Variants in ABHD17C observed in about 807,000 individuals in gnomAD.
ABHD17C encodes the protein abhydrolase domain containing 17C, depalmitoylase.
ABHD17C carries 11 observed loss-of-function variants against 27.9 expected under a neutral mutation model. That is an observed-to-expected ratio of 0.39 (90% confidence interval 0.25 to 0.65). The LOEUF is 0.65. Among genes scored for constraint, ABHD17C ranks in the 30% least tolerant of loss-of-function variants. ABHD17C has a pLI of 0.45. For synonymous variants in ABHD17C, 233 were observed against 209.1 expected (o/e 1.11, Z -0.98); for missense variants, 280 against 470.2 (o/e 0.60, Z 3.74).
intron 1 of ABHD17C, among the ~76,000 whole-genome samples, chr15:80,726,367 G>T (rs1392462200): frequency 6.6e-6 from 1 of 152,170 alleles, no homozygotes; most frequent in Admixed American, 6.5e-5. Flanking sequence ...ATTTTGGGGG[G>T]CCTGCTCCCA....
chr15:80,745,485 C>A (rs941484525), intron 1 of ABHD17C, among the ~76,000 whole-genome samples: 11 of 151,996 alleles, frequency 7.2e-5, no homozygotes, highest in African/African-American at 2.7e-4. Flanking sequence ...CCTCCCACCT[C>A]AGCCTCCCAA....
intron 1 of ABHD17C, among the ~76,000 whole-genome samples, chr15:80,738,756 G>C (rs943375440): frequency 6.6e-6 from 1 of 152,140 alleles, no homozygotes; most frequent in African/African-American, 2.4e-5. Context: ...GTGAAGGGAT[G>C]GGGTGCTCAG....
chr15:80,740,729 A>G (rs1895197884), intron 1 of ABHD17C, among the ~76,000 whole-genome samples: 1 of 152,180 alleles, frequency 6.6e-6, no homozygotes. Flanking sequence ...TGAGCTCTTC[A>G]GTCAGATTTC....
intron 1 of ABHD17C, among the ~76,000 whole-genome samples, chr15:80,734,984 C>G (rs1895109534): frequency 6.6e-6 from 1 of 152,158 alleles, no homozygotes; most frequent in Admixed American, 6.5e-5. Context: ...ATTATGGTAT[C>G]ATCATCTCGC....
chr15:80,740,733 A>G lies in ABHD17C; in HGVS notation c.591-8780A>G, dbSNP rs975082127. Among the ~76,000 whole-genome samples the G allele has an allele frequency of 4.6e-5, 7 of 152,342 alleles. No homozygotes were observed. The East Asian group carries it at 9.7e-4, about 21-fold the overall frequency. The stretch of plus-strand genomic sequence containing the variant: ...CTACATAAGTCTGAGCTCTTCAGTC[A>G]GATTTCAGTGTCAGAACCTGCCGTG... On this transcript the variant is annotated intron_variant, in intron 1 of 2. Coordinates refer to ENST00000258884, the MANE Select transcript of ABHD17C (RefSeq NM_021214.2).
At chr15:80,741,020 C>T (rs920321129) in intron 1 of ABHD17C, among the ~76,000 whole-genome samples, 1 of 152,088 alleles carries the variant, frequency 6.6e-6, no homozygotes, top group Non-Finnish European at 1.5e-5. Context: ...CAGACATTGC[C>T]GTTGCCCACA....
At chr15:80,696,179 C>T (rs1894492864) in intron 1 of ABHD17C, among the ~76,000 whole-genome samples, 160 bp downstream of exon 1, 1 of 152,214 alleles carries the variant, frequency 6.6e-6, no homozygotes, top group Admixed American at 6.5e-5. Context: ...CTTTTCTTGT[C>T]CCACCCTGGC....
intron 1 of ABHD17C, among the ~76,000 whole-genome samples, chr15:80,698,819 A>C (rs568874647): frequency 7.2e-4 from 110 of 152,326 alleles, no homozygotes; most frequent in African/African-American, 2.6e-3. Context: ...GTTTTCCACC[A>C]GCCATCCCCC....
intron 1 of ABHD17C, among the ~76,000 whole-genome samples, chr15:80,735,957 TG>T (rs1895124634): frequency 6.6e-6 from 1 of 152,226 alleles, no homozygotes; most frequent in Non-Finnish European, 1.5e-5. Context: ...ATGCTGTATT[TG>T]GTATGTTTTC....
At chr15:80,733,721 C>T (rs937573508) in intron 1 of ABHD17C, among the ~76,000 whole-genome samples, 2 of 152,204 alleles carry the variant, frequency 1.3e-5, no homozygotes, top group African/African-American at 4.8e-5. Flanking sequence ...GGCAAACTCA[C>T]CAACCATCTG....
intron 1 of ABHD17C, among the ~76,000 whole-genome samples, chr15:80,708,528 A>G (rs1215048554): frequency 3.9e-5 from 6 of 152,066 alleles, no homozygotes; most frequent in Admixed American, 1.3e-4. Flanking sequence ...TGTTGGCCAG[A>G]CTGGTCTCGA....
intron 1 of ABHD17C, among the ~76,000 whole-genome samples, chr15:80,743,029 A>G (rs939543315): frequency 5.3e-5 from 8 of 152,034 alleles, no homozygotes; most frequent in Non-Finnish European, 1.0e-4. Context: ...AAATGGAGGT[A>G]AGAGATGGGG....
intron 1 of ABHD17C, among the ~76,000 whole-genome samples, chr15:80,710,616 A>G (rs952809336): frequency 7.9e-5 from 12 of 152,244 alleles, no homozygotes; most frequent in Non-Finnish European, 1.3e-4. Flanking sequence ...GGAACCAACA[A>G]CAGTATTTGC....
intron 1 of ABHD17C, among the ~76,000 whole-genome samples, chr15:80,737,620 C>T (rs1596071210): frequency 6.6e-6 from 1 of 152,130 alleles, no homozygotes; most frequent in African/African-American, 2.4e-5. Context: ...CAGTTAAACA[C>T]ATCCACCTTC....
chr15:80,742,600 G>C (rs1895225699), intron 1 of ABHD17C, among the ~76,000 whole-genome samples: 1 of 152,198 alleles, frequency 6.6e-6, no homozygotes, highest in South Asian at 2.1e-4. Context: ...TGTTTTACCA[G>C]ATGTCTGGGC....
rs1895419284 is a variant in ABHD17C at position 80,755,398 on chromosome 15, C to T, written c.*1028C>T. 1 of 152,124 alleles carries T rather than the reference C, an allele frequency of 6.6e-6. No homozygotes were observed. Among genetic ancestry groups the T allele is most frequent in the Non-Finnish European group, 1.5e-5 (1 of 68,012 alleles). The allele number at this position is 152,124 out of a possible 1,614,324, so 9.4% of individuals were successfully genotyped here. The stretch of plus-strand genomic sequence containing the variant: ...ACTGGAAGTTGCGCCAAATAAGCAT[C>T]AGAAATAGGAGATGCTTAACATTGC... On this transcript the variant is annotated 3_prime_UTR_variant, in exon 3 of 3. Transcript: ENST00000258884.
At chr15:80,746,969 C>T (rs1895296235) in intron 1 of ABHD17C, among the ~76,000 whole-genome samples, 1 of 152,186 alleles carries the variant, frequency 6.6e-6, no homozygotes, top group Non-Finnish European at 1.5e-5. Flanking sequence ...GAGGGCTAGT[C>T]TGGTTGCCAT....
chr15:80,695,563 T>TGGCGCCGGAGCAGCGC lies in ABHD17C; in HGVS notation c.143_158dup (p.Ser55AlafsTer176). ...CCGCCCGAGCCCACCTACACGGTGC[T>TGGCGCCGGAGCAGCGC]GGCGCCGGAGCAGCGCGGCGCCGGC... On this transcript the variant is annotated frameshift_variant, in exon 1 of 3. Transcript: ENST00000258884. LOFTEE classifies it high-confidence loss of function. The surrounding 1 kb of genome is among the most constrained non-coding windows in gnomAD (Gnocchi z 4.3). 2 of 1,252,292 alleles carry TGGCGCCGGAGCAGCGC rather than the reference T, an allele frequency of 1.6e-6. No individual in the cohort carries two copies. Among genetic ancestry groups the TGGCGCCGGAGCAGCGC allele is most frequent in the Non-Finnish European group, 2.0e-6 (2 of 979,080 alleles). The allele number at this position is 1,252,292 out of a possible 1,614,324, so 77.6% of individuals were successfully genotyped here.
intron 1 of ABHD17C, 138 bp downstream of exon 1, chr15:80,696,157 G>C (rs1475436508): frequency 2.1e-6 from 2 of 942,576 alleles, no homozygotes; most frequent in East Asian, 2.6e-5. Flanking sequence ...CCCCTTGGCC[G>C]CCGTAAATTC....
Sources: gnomAD v4.1 joint callset for allele counts (sites outside exome capture counted in the v4.1 genomes callset) on GRCh38, gnomAD v4.1.1 for gene constraint, Gnocchi (gnomAD v3.1) non-coding constraint, MANE v1.5 for transcripts, NCBI Gene and HGNC (gene_info 2026-07-23, HGNC 2026-07-21) for gene names.